The following ZCWPW2 variants were observed in gnomAD, a reference collection of about 807,000 sequenced individuals.
ZCWPW2 encodes the protein zinc finger CW-type PWWP domain protein 2.
A neutral mutation model predicts 46.6 loss-of-function variants in ZCWPW2; 45 were observed. The ratio of observed to expected loss-of-function variants is 0.96; its 90% confidence interval spans 0.76 to 1.24. The LOEUF (loss-of-function observed/expected upper bound fraction) is 1.24. Among genes scored for constraint, ZCWPW2 ranks in the 50% most tolerant of loss-of-function variants. The probability of loss-of-function intolerance (pLI) is 0.00; values close to 1 mark genes in which losing one functional copy is unlikely to be tolerated. For synonymous variants in ZCWPW2, 152 were observed against 137.1 expected (o/e 1.11, Z -0.76); for missense variants, 429 against 403.9 (o/e 1.06, Z -0.53).
At chr3:28,497,418 C>T (rs1440311525) in intron 6 of ZCWPW2, among the ~76,000 whole-genome samples, 1 of 151,780 alleles carries the variant, frequency 6.6e-6, no homozygotes, top group East Asian at 1.9e-4. Flanking sequence ...TTTTATTGAC[C>T]AGTCATATAT....
At chr3:28,468,199 A>G (rs1471582202) in intron 4 of ZCWPW2, among the ~76,000 whole-genome samples, 1 of 152,150 alleles carries the variant, frequency 6.6e-6, no homozygotes, top group East Asian at 1.9e-4. Context: ...TCAGAGTCTC[A>G]ATAGCAGAAT....
At chr3:28,367,002 A>AT (rs988383878) in intron 1 of ZCWPW2, among the ~76,000 whole-genome samples, 1 of 151,848 alleles carries the variant, frequency 6.6e-6, no homozygotes, top group Non-Finnish European at 1.5e-5. Context: ...CCCTTTTAAC[A>AT]TTTTTTATTG....
At chr3:28,401,970 T>C (rs893779988) in intron 2 of ZCWPW2, among the ~76,000 whole-genome samples, 5 of 150,646 alleles carry the variant, frequency 3.3e-5, no homozygotes, top group Non-Finnish European at 7.4e-5. Flanking sequence ...CCTCAAAAAG[T>C]CTGAAAGAGC....
At position 28,373,457 on chromosome 3, in the gene ZCWPW2, T is replaced by A. The variant is rs534839215; in HGVS notation, c.-133-17041T>A. 3.9e-5 allele frequency among the ~76,000 whole-genome samples: 6 copies of A among 152,138 alleles called. No homozygotes were observed. In the South Asian group the frequency reaches 1.0e-3, roughly 26 times the overall value. ...CCTATTGGCCATTTGTATGTTGTTT[T>A]TTTTTGTTTGTTTGTTTGTTTGTTT... On this transcript the variant is annotated intron_variant, in intron 1 of 9. Coordinates refer to ENST00000383768, the MANE Select transcript of ZCWPW2 (RefSeq NM_001040432.4).
intron 1 of ZCWPW2, among the ~76,000 whole-genome samples, chr3:28,354,711 AT>A (rs1429529749): frequency 2.5e-5 from 2 of 80,534 alleles, no homozygotes; most frequent in Middle Eastern, 4.4e-3. Context: ...ATGAAAATCA[AT>A]AAACATAATC....
At chr3:28,516,100 C>T (rs1700559877) in intron 8 of ZCWPW2, among the ~76,000 whole-genome samples, 1 of 151,520 alleles carries the variant, frequency 6.6e-6, no homozygotes, top group African/African-American at 2.4e-5. Context: ...ATTAGCTGGC[C>T]GTGGTGGCAT....
chr3:28,349,061 G>C lies in ZCWPW2; in HGVS notation c.-276G>C. The C allele has an allele frequency of 1.0e-6, 1 of 985,960 alleles. No individual in the cohort carries two copies. The highest frequency in any genetic ancestry group is 1.2e-6 in the Non-Finnish European group (1 of 830,328). The allele number at this position is 985,960 out of a possible 1,614,324, so 61.1% of individuals were successfully genotyped here. A position where few individuals can be genotyped will look rare whatever the true frequency, so the allele number is the denominator to read the frequency against. On this transcript the variant is annotated 5_prime_UTR_variant, in exon 1 of 10. Transcript: ENST00000383768. ...CGGAAGTCAGGCCCGAGGGAGCTGG[G>C]AGGGCGTTAGCGAAGCCAGGTTCGG...
At chr3:28,376,766 G>A (rs1180880449) in intron 1 of ZCWPW2, among the ~76,000 whole-genome samples, 4 of 152,078 alleles carry the variant, frequency 2.6e-5, no homozygotes, top group South Asian at 4.1e-4. Flanking sequence ...AACTTTTGTC[G>A]CAAAATGTAT....
At chr3:28,442,761 C>CTGTCAT (rs113417154) in intron 4 of ZCWPW2, among the ~76,000 whole-genome samples, 42,774 of 151,844 alleles carry the variant, frequency 0.28, 6,183 homozygotes, top group Middle Eastern at 0.32. Flanking sequence ...TGATAATCCA[C>CTGTCAT]TCTCCAAGAT....
chr3:28,519,603 C>CCAAAGTAG (rs1700664848), intron 8 of ZCWPW2, among the ~76,000 whole-genome samples: 2 of 152,128 alleles, frequency 1.3e-5, no homozygotes, highest in African/African-American at 4.8e-5. Context: ...TTTCATTTTC[C>CCAAAGTAG]ATGACCTTTC....
Position 28,478,751 on chromosome 3 carries a change from G to T in ZCWPW2, c.493-63G>T, listed in dbSNP as rs527332851. ...TAGATTTTGTTCCAGCTTAATAAGT[G>T]GATTTTAAAACAAAGTTATATATTT... is the stretch of plus-strand genomic sequence containing the variant. On this transcript the variant is annotated intron_variant, in intron 4 of 9. Transcript: ENST00000383768. The T allele has an allele frequency of 9.5e-5, 78 of 824,932 alleles. No individual in the cohort carries two copies. The East Asian group carries it at 2.4e-3, about 26-fold the overall frequency. 51.1% of individuals were successfully genotyped at this position (824,932 alleles called of 1,614,324 possible). A position where few individuals can be genotyped will look rare whatever the true frequency, so the allele number is the denominator to read the frequency against.
chr3:28,440,542 T>C (rs1362693798), intron 4 of ZCWPW2, among the ~76,000 whole-genome samples: 1 of 152,216 alleles, frequency 6.6e-6, no homozygotes, highest in Non-Finnish European at 1.5e-5. Context: ...TGGAGAACTT[T>C]GGCCAAGCCC....
At position 28,514,085 on chromosome 3, in the gene ZCWPW2, A is replaced by G. The variant is rs1211575691; in HGVS notation, c.679A>G (p.Ile227Val). Reference sequence around the variant, plus strand: ...ATAGAAGCAGACTTCTAAAAATAATATTGAAAAGAAGAAGCCCAAATTTAG... The same window carrying G: ...ATAGAAGCAGACTTCTAAAAATAATGTTGAAAAGAAGAAGCCCAAATTTAG... ...KKRKQTSKNNIEKKKPKFRKR... is the reference protein window; with the variant it reads ...KKRKQTSKNNVEKKKPKFRKR... Residue 227 changes from isoleucine to valine, a missense_variant, in exon 7 of 10, where the codon ATT becomes GTT. Transcript: ENST00000383768. 2.0e-6 allele frequency: 3 copies of G among 1,510,002 alleles called. No homozygotes were observed. The East Asian group carries it at 7.0e-5, about 35-fold the overall frequency. The allele number at this position is 1,510,002 out of a possible 1,614,324, so 93.5% of individuals were successfully genotyped here.
intron 2 of ZCWPW2, among the ~76,000 whole-genome samples, chr3:28,398,560 T>A (rs1695795162): frequency 6.6e-6 from 1 of 152,108 alleles, no homozygotes; most frequent in Admixed American, 6.5e-5. Context: ...ACAGACCCTC[T>A]GAAGGAACCA....
At chr3:28,458,388 T>C (rs1475368644) in intron 4 of ZCWPW2, among the ~76,000 whole-genome samples, 1 of 152,212 alleles carries the variant, frequency 6.6e-6, no homozygotes, top group African/African-American at 2.4e-5. Context: ...ATTAGGTTCA[T>C]TAAATTGTAG....
intron 6 of ZCWPW2, among the ~76,000 whole-genome samples, chr3:28,512,391 A>C (rs1700451056): frequency 6.6e-6 from 1 of 151,668 alleles, no homozygotes. Context: ...TGCCATGTTG[A>C]GCAGGCTAGT....
At chr3:28,369,633 G>C (rs141730444) in intron 1 of ZCWPW2, among the ~76,000 whole-genome samples, 1 of 152,334 alleles carries the variant, frequency 6.6e-6, no homozygotes, top group South Asian at 2.1e-4. Flanking sequence ...CAGTCTGTCC[G>C]TTCTCAGATC....
At chr3:28,382,805 T>A (rs1007600235) in intron 1 of ZCWPW2, among the ~76,000 whole-genome samples, 2 of 152,144 alleles carry the variant, frequency 1.3e-5, no homozygotes, top group Non-Finnish European at 2.9e-5. Context: ...AATTTCAGGG[T>A]ACATAGATAT....
chr3:28,379,057 G>A (rs1189880931), intron 1 of ZCWPW2, among the ~76,000 whole-genome samples: 2 of 152,020 alleles, frequency 1.3e-5, no homozygotes, highest in Non-Finnish European at 2.9e-5. Context: ...TCTATATTTG[G>A]CCCATAATAG....
Sources: allele counts gnomAD v4.1 joint callset (sites outside exome capture counted in the v4.1 genomes callset), GRCh38; gene constraint gnomAD v4.1.1; transcripts MANE v1.5; gene names NCBI Gene and HGNC (gene_info 2026-07-23, HGNC 2026-07-21).